MCF2L: variants seen among roughly 807,000 people sequenced by gnomAD.
MCF2L encodes guanine nucleotide exchange factor DBS.
Under a neutral mutation model 153.4 loss-of-function variants are expected in MCF2L, and 97 were observed. The ratio of observed to expected loss-of-function variants is 0.63; its 90% CI spans 0.54 to 0.75. MCF2L has a LOEUF of 0.75. Ranked by LOEUF, MCF2L falls within the 30% of genes least tolerant of loss-of-function variation. The pLI, the probability that MCF2L is intolerant of heterozygous loss-of-function variation, is 0.00. For synonymous variants in MCF2L, 659 were observed against 632.2 expected (o/e 1.04, Z -0.64); for missense variants, 1,347 against 1,495.2 (o/e 0.90, Z 1.64).
chr13:112,978,514 C>T lies in MCF2L; in HGVS notation c.79+9056C>T, dbSNP rs576399773. Among the ~76,000 whole-genome samples the T allele has an allele frequency of 2.6e-4, 39 of 152,308 alleles. 1 individual carries two copies. In the South Asian group the frequency reaches 7.3e-3, roughly 28 times the overall value. On this transcript the variant is annotated intron_variant, in intron 1 of 29. Transcript: ENST00000535094. ...TGTATTTGTGGAGGCTAATAGGACA[C>T]CAAGGCGCCACCTCTCAGGCTGTGG...
rs929008633 is a variant in MCF2L at position 112,979,446 on chromosome 13, G to A, written c.79+9988G>A. ...GGGAGGCCGGGCACTCTGAGGAGGTGGCTCAGCCCTCTTGGGTTCTTTCTT... is the reference window on the plus strand; with the variant it reads ...GGGAGGCCGGGCACTCTGAGGAGGTAGCTCAGCCCTCTTGGGTTCTTTCTT... On this transcript the variant is annotated intron_variant, in intron 1 of 29. Transcript: ENST00000535094. The A allele has an allele frequency of 5.7e-6, 8 of 1,412,808 alleles. No homozygotes were observed. In the African/African-American group the frequency reaches 1.2e-4, roughly 21 times the overall value. The allele number at this position is 1,412,808 out of a possible 1,614,324, so 87.5% of individuals were successfully genotyped here.
Position 112,904,576 on chromosome 13 carries a change from C to A in MCF2L, c.169+2205C>A, listed in dbSNP as rs1313448290. ...CGCAAAACCTCTCTGATCCCTGAGTCCTGGAGGCCCAGGGCTGGCTTTACC... is the reference window on the plus strand; with the variant it reads ...CGCAAAACCTCTCTGATCCCTGAGTACTGGAGGCCCAGGGCTGGCTTTACC... On this transcript the variant is annotated intron_variant, in intron 2 of 29. Coordinates refer to the MCF2L transcript ENST00000375608. This position sits in a 1 kb window ranked among gnomAD's most constrained non-coding sequence, Gnocchi z 4.2. Among the ~76,000 whole-genome samples, 7 of 152,268 alleles carry A rather than the reference C, an allele frequency of 4.6e-5. No homozygotes were observed. The highest frequency in any genetic ancestry group is 3.9e-4 in the Admixed American group (6 of 15,292).
rs779834890 is a variant in MCF2L at position 113,074,498 on chromosome 13, G to A, written c.1051G>A (p.Gly351Ser). 1.8e-5 allele frequency: 29 copies of A among 1,613,938 alleles called. 1 individual carries two copies. Among genetic ancestry groups the A allele is most frequent in the African/African-American group, 6.7e-5 (5 of 74,928 alleles). ...GAAGATAGCAACCTTCACAGACATC[G>A]GCAACAGCCTGGCGCATGTGGAGCA... is the stretch of plus-strand genomic sequence containing the variant. ...SQKIATFTDI[G>S]NSLAHVEHLL... is the part of the protein sequence containing the mutation. The change falls in exon 10 of 30, where the codon GGC becomes AGC. Residue 351 changes from glycine to serine, a missense_variant. Gly to Ser is a moderately conservative substitution (Grantham distance 56, BLOSUM62 0). This residue lies in a region of MCF2L where 820 missense variants were observed against 921.2 expected (regional missense o/e 0.89). Coordinates refer to ENST00000535094, the MANE Select transcript of MCF2L (RefSeq NM_001112732.3). This position sits in a 1 kb window ranked among gnomAD's most constrained non-coding sequence, Gnocchi z 4.2.
At chr13:113,058,736 C>CTGTGTGGGT (rs1555377858) in intron 4 of MCF2L, among the ~76,000 whole-genome samples, 5 of 120,052 alleles carry the variant, frequency 4.2e-5, no homozygotes, top group East Asian at 5.4e-4. Context: ...GCTGTGTGGG[C>CTGTGTGGGT]GCTGAGTGGG....
At chr13:113,075,875 C>T (rs534941388) in intron 11 of MCF2L, 91 bp from the exon 12 acceptor site, 173 of 1,063,220 alleles carry the variant, frequency 1.6e-4, no homozygotes, top group Non-Finnish European at 2.1e-4. Context: ...CGGGATCTGT[C>T]GGGAGGACAC....
At chr13:112,982,908 G>C (rs1011987893) in intron 1 of MCF2L, among the ~76,000 whole-genome samples, 1 of 152,166 alleles carries the variant, frequency 6.6e-6, no homozygotes, top group African/African-American at 2.4e-5. Flanking sequence ...AGGTGTGGAG[G>C]GGGTGTCGGT....
At position 112,969,644 on chromosome 13, in the gene MCF2L, C is replaced by A; in HGVS notation, c.79+186C>A. The stretch of plus-strand genomic sequence containing the variant: ...AGAGGCTGTCGGCGATCGTATGCTG[C>A]CCGGGATAGTCAAAATGACTGCACG... On this transcript the variant is annotated intron_variant, in intron 1 of 29. Transcript: ENST00000535094. The surrounding 1 kb of genome is among the most constrained non-coding windows in gnomAD (Gnocchi z 4.8). The A allele has an allele frequency of 1.7e-6, 1 of 582,140 alleles. No individual in the cohort carries two copies. The highest frequency in any genetic ancestry group is 2.2e-6 in the Non-Finnish European group (1 of 461,308). 36.1% of individuals were successfully genotyped at this position (582,140 alleles called of 1,614,324 possible).
chr13:113,061,774 CT>C (rs1423161056), intron 5 of MCF2L, among the ~76,000 whole-genome samples: 1 of 79,962 alleles, frequency 1.3e-5, no homozygotes, highest in Non-Finnish European at 2.5e-5. Flanking sequence ...CCCCCTTCCC[CT>C]CCCCTCCCTC....
chr13:113,078,949 C>T (rs937565745), intron 15 of MCF2L, among the ~76,000 whole-genome samples: 3 of 152,238 alleles, frequency 2.0e-5, no homozygotes, highest in East Asian at 1.9e-4. Flanking sequence ...ACACACACGC[C>T]GCACACACAC....
intron 21 of MCF2L, 79 bp downstream of exon 21, chr13:113,086,328 C>T (rs965560163): frequency 6.4e-7 from 1 of 1,570,572 alleles, no homozygotes. Context: ...CCTCCCTGCA[C>T]ACGCCCCTCG....
intron 1 of MCF2L, among the ~76,000 whole-genome samples, chr13:113,006,694 C>G (rs1004055712): frequency 2.6e-5 from 4 of 152,178 alleles, no homozygotes; most frequent in Non-Finnish European, 5.9e-5. Flanking sequence ...GCGGGAGACA[C>G]TAAGGTGTTG....
chr13:112,953,494 A>G (rs1215722408), intron 2 of MCF2L, among the ~76,000 whole-genome samples: 1 of 152,204 alleles, frequency 6.6e-6, no homozygotes, highest in Non-Finnish European at 1.5e-5. Context: ...AGATCTGCCA[A>G]GGGTGTTGGG....
chr13:112,975,626 G>GCAGGGAGCCGCTGCCGTGGTCATCCT (rs1316711471), intron 1 of MCF2L, among the ~76,000 whole-genome samples: 4 of 152,242 alleles, frequency 2.6e-5, no homozygotes, highest in Non-Finnish European at 5.9e-5. Flanking sequence ...CCTGTGCACA[G>GCAGGGAGCCGCTGCCGTGGTCATCCT]CAGGGAGCCG....
At chr13:112,985,295 A>G (rs1441419499) in intron 1 of MCF2L, 4 of 417,518 alleles carry the variant, frequency 9.6e-6, no homozygotes, top group Non-Finnish European at 2.0e-5. Flanking sequence ...TTAGGGGACA[A>G]AGTTCAGCAT....
At chr13:112,974,783 G>C (rs1447334608) in intron 1 of MCF2L, among the ~76,000 whole-genome samples, 1 of 152,212 alleles carries the variant, frequency 6.6e-6, no homozygotes, top group Non-Finnish European at 1.5e-5. Context: ...TGAAAGGCAT[G>C]CTATGTCTGA....
intron 15 of MCF2L, 141 bp from the exon 16 acceptor site, chr13:113,081,072 A>G (rs1273599100): frequency 1.5e-6 from 1 of 645,320 alleles, no homozygotes; most frequent in Non-Finnish European, 2.5e-6. Context: ...AGGAGCGTCC[A>G]GCCTGTGGGC....
intron 2 of MCF2L, among the ~76,000 whole-genome samples, chr13:112,962,495 G>A (rs905541606): frequency 7.9e-5 from 12 of 152,296 alleles, no homozygotes; most frequent in East Asian, 7.7e-4. Flanking sequence ...ACTTCTAGCC[G>A]ACCCAGTTGG....
At chr13:113,092,567 C>A (rs2035310141) in intron 26 of MCF2L, among the ~76,000 whole-genome samples, 1 of 152,270 alleles carries the variant, frequency 6.6e-6, no homozygotes, top group Non-Finnish European at 1.5e-5. Context: ...CGCTGCCCAG[C>A]ACCCACTCCC....
intron 9 of MCF2L, among the ~76,000 whole-genome samples, chr13:113,071,043 TCCCCA>T (rs1379400424): frequency 6.0e-4 from 91 of 152,302 alleles, no homozygotes; most frequent in African/African-American, 2.2e-3. Context: ...GCTTCCCCTT[TCCCCA>T]GCACGTGGTG....
Sources: allele counts gnomAD v4.1 joint callset (sites outside exome capture counted in the v4.1 genomes callset), GRCh38; gene constraint gnomAD v4.1.1; regional missense constraint gnomAD v4.1.1; non-coding constraint Gnocchi (gnomAD v3.1); transcripts MANE v1.5; gene names NCBI Gene and HGNC (gene_info 2026-07-23, HGNC 2026-07-21).